The following WWTR1 variants were observed in gnomAD, a reference collection of about 807,000 sequenced individuals.
The protein encoded by WWTR1 is WW domain containing transcription regulator 1, also known as WW domain-containing transcription regulator protein 1.
Under a neutral mutation model 40.1 loss-of-function variants are expected in WWTR1, and 13 were observed. That is an observed-to-expected ratio of 0.32 (90% CI 0.21 to 0.52). The LOEUF is 0.52. Ranked by LOEUF, WWTR1 falls within the 20% of genes least tolerant of loss-of-function variation. The pLI is 0.97. For missense variants in WWTR1, 436 were observed against 523.1 expected (o/e 0.83, Z 1.63); for synonymous variants, 230 against 210.1 (o/e 1.09, Z -0.82).
chr3:149,701,079 A>G (rs1715154277), intron 1 of WWTR1, among the ~76,000 whole-genome samples: 1 of 152,200 alleles, frequency 6.6e-6, no homozygotes, highest in Non-Finnish European at 1.5e-5. Context: ...TGGAGCTAAG[A>G]GGACTAATTT....
chr3:149,557,760 T>C (rs1314077182), intron 3 of WWTR1, among the ~76,000 whole-genome samples: 1 of 152,112 alleles, frequency 6.6e-6, no homozygotes, highest in Non-Finnish European at 1.5e-5. Flanking sequence ...CCCAACACTT[T>C]GGGAGGCTGA....
chr3:149,536,966 C>T (rs531049857), intron 4 of WWTR1, among the ~76,000 whole-genome samples: 5 of 152,072 alleles, frequency 3.3e-5, no homozygotes, highest in Non-Finnish European at 7.4e-5. Context: ...GAATAACACA[C>T]ATGAAAAGAA....
chr3:149,597,092 A>G (rs1478345404), intron 2 of WWTR1, among the ~76,000 whole-genome samples: 1 of 152,216 alleles, frequency 6.6e-6, no homozygotes, highest in African/African-American at 2.4e-5. Flanking sequence ...GGTGCCTAGA[A>G]CACATAATTG....
intron 4 of WWTR1, among the ~76,000 whole-genome samples, chr3:149,538,394 A>G (rs1343641604): frequency 6.6e-6 from 1 of 152,242 alleles, no homozygotes; most frequent in Non-Finnish European, 1.5e-5. Context: ...GTAAAAATAA[A>G]AGAAAACTCT....
intron 2 of WWTR1, among the ~76,000 whole-genome samples, chr3:149,652,282 A>G (rs1712925612): frequency 6.6e-6 from 1 of 151,958 alleles, no homozygotes; most frequent in African/African-American, 2.4e-5. Flanking sequence ...AACTGGTAGC[A>G]ATCCAAACAT....
At chr3:149,620,682 G>T (rs1302635839) in intron 2 of WWTR1, among the ~76,000 whole-genome samples, 1 of 151,942 alleles carries the variant, frequency 6.6e-6, no homozygotes, top group African/African-American at 2.4e-5. Context: ...CAAATGCCTA[G>T]ATCATTTTTA....
At chr3:149,650,852 TA>T (rs1712826779) in intron 2 of WWTR1, among the ~76,000 whole-genome samples, 1 of 152,216 alleles carries the variant, frequency 6.6e-6, no homozygotes, top group African/African-American at 2.4e-5. Context: ...ATTTTAAACT[TA>T]AAACTGACTT....
At chr3:149,680,519 G>C (rs1349910354) in intron 1 of WWTR1, among the ~76,000 whole-genome samples, 1 of 152,082 alleles carries the variant, frequency 6.6e-6, no homozygotes, top group East Asian at 1.9e-4. Flanking sequence ...ACTCCAGCCT[G>C]GGTGACAAAG....
At chr3:149,563,895 G>A (rs1015479901) in intron 3 of WWTR1, among the ~76,000 whole-genome samples, 1 of 152,182 alleles carries the variant, frequency 6.6e-6, no homozygotes, top group Admixed American at 6.5e-5. Context: ...GGGACTACAG[G>A]TGTGTGCCAC....
intron 3 of WWTR1, among the ~76,000 whole-genome samples, chr3:149,561,417 G>A (rs1737072862): frequency 1.3e-5 from 2 of 152,254 alleles, no homozygotes; most frequent in South Asian, 4.1e-4. Flanking sequence ...GCCAGGGTAC[G>A]GGGAAGAAAA....
intron 4 of WWTR1, among the ~76,000 whole-genome samples, chr3:149,723,468 G>A (rs1715805913): frequency 1.3e-5 from 2 of 152,178 alleles, no homozygotes; most frequent in South Asian, 4.1e-4. Context: ...GATTACAGGT[G>A]TGAGCCACCT....
At chr3:149,525,124 A>G (rs1735237458) in intron 6 of WWTR1, among the ~76,000 whole-genome samples, 1 of 152,212 alleles carries the variant, frequency 6.6e-6, no homozygotes, top group Non-Finnish European at 1.5e-5. Flanking sequence ...GGACAAGGTA[A>G]GAGTAACCCT....
At chr3:149,562,376 T>G (rs1737123641) in intron 3 of WWTR1, among the ~76,000 whole-genome samples, 1 of 152,042 alleles carries the variant, frequency 6.6e-6, no homozygotes, top group South Asian at 2.1e-4. Context: ...TAGAGGAGTT[T>G]CCAACTATTT....
At chr3:149,566,265 T>C (rs555458180) in intron 3 of WWTR1, among the ~76,000 whole-genome samples, 20 of 152,302 alleles carry the variant, frequency 1.3e-4, no homozygotes, top group African/African-American at 4.3e-4. Context: ...CCTTTCCCCC[T>C]GTCCTGTGCC....
intron 2 of WWTR1, among the ~76,000 whole-genome samples, chr3:149,637,521 G>T (rs570461641): frequency 4.7e-4 from 71 of 152,152 alleles, no homozygotes; most frequent in African/African-American, 1.6e-3. Context: ...ATGAGCCACC[G>T]TGCCCGGCCC....
chr3:149,639,207 G>GA (rs1012285101), intron 2 of WWTR1, among the ~76,000 whole-genome samples: 1 of 152,108 alleles, frequency 6.6e-6, no homozygotes. Context: ...AATTATCTTG[G>GA]AAAAAAATAT....
upstream of WWTR1, among the ~76,000 whole-genome samples, chr3:149,704,531 T>G (rs752122158): frequency 2.0e-5 from 3 of 152,160 alleles, no homozygotes; most frequent in Admixed American, 6.5e-5. Flanking sequence ...AAAAAAGGCT[T>G]ATATAATGAA....
At chr3:149,713,011 C>T (rs544069031) in intron 5 of WWTR1, among the ~76,000 whole-genome samples, 138 of 152,220 alleles carry the variant, frequency 9.1e-4, no homozygotes, top group African/African-American at 3.3e-3. Context: ...TTTTTCTCTC[C>T]ACCCACACTG....
intron 2 of WWTR1, among the ~76,000 whole-genome samples, chr3:149,630,293 C>T (rs962968979): frequency 3.9e-5 from 6 of 152,018 alleles, no homozygotes; most frequent in African/African-American, 9.7e-5. Context: ...CCCAAAATAA[C>T]TCATATAAAA....
Sources: allele counts gnomAD v4.1 joint callset (sites outside exome capture counted in the v4.1 genomes callset), GRCh38; gene constraint gnomAD v4.1.1; transcripts MANE v1.5; gene names NCBI Gene and HGNC (gene_info 2026-07-23, HGNC 2026-07-21).